Variants in COL21A1 observed in about 807,000 individuals in gnomAD.
COL21A1 encodes the protein collagen type XXI alpha 1 chain.
A neutral mutation model predicts 137.9 loss-of-function variants in COL21A1; 149 were observed. The observed-to-expected ratio is 1.08, with a 90% CI of 0.95 to 1.24. COL21A1 has a LOEUF of 1.24. COL21A1 is among the 50% of genes most tolerant of loss of function. The pLI, the probability that COL21A1 is intolerant of heterozygous loss-of-function variation, is 0.00. For missense variants in COL21A1, 1,167 were observed against 1,158.4 expected (o/e 1.01, Z -0.11); for synonymous variants, 456 against 391.5 (o/e 1.16, Z -1.95).
At chr6:56,267,754 TA>T (rs61326932) in intron 1 of COL21A1, among the ~76,000 whole-genome samples, 8,771 of 131,260 alleles carry the variant, frequency 0.067, 326 homozygotes, top group African/African-American at 0.084. Context: ...AAGACTCTGT[TA>T]AAAAAAAAAA....
intron 24 of COL21A1, 109 bp downstream of exon 24, chr6:56,064,469 A>G: frequency 1.4e-6 from 1 of 713,246 alleles, no homozygotes; most frequent in East Asian, 2.7e-5. Flanking sequence ...AATGCATACT[A>G]TATTGTCCTT....
intron 10 of COL21A1, among the ~76,000 whole-genome samples, chr6:56,142,736 G>C (rs568169998): frequency 6.6e-6 from 1 of 152,140 alleles, no homozygotes; most frequent in Non-Finnish European, 1.5e-5. Flanking sequence ...CAGGTTAATG[G>C]ACCACCTGGC....
At chr6:56,388,593 C>A (rs1160008795) in intron 1 of COL21A1, among the ~76,000 whole-genome samples, 3 of 152,200 alleles carry the variant, frequency 2.0e-5, no homozygotes, top group Non-Finnish European at 4.4e-5. Flanking sequence ...AGTGCTGATA[C>A]AGCTGCAGCT....
At chr6:56,150,542 AC>A (rs1775229810) in intron 10 of COL21A1, among the ~76,000 whole-genome samples, 7 of 151,564 alleles carry the variant, frequency 4.6e-5, no homozygotes, top group Middle Eastern at 6.8e-3. Context: ...ACACACACAC[AC>A]ACACACACAC....
chr6:56,170,902 C>A (rs371804827), intron 4 of COL21A1, 37 bp from the exon 5 acceptor site: 7 of 1,597,740 alleles, frequency 4.4e-6, no homozygotes, highest in Non-Finnish European at 6.0e-6. Context: ...TTAAAGAATT[C>A]TTGACATGTC....
At chr6:56,266,475 A>G (rs1378160225) in intron 1 of COL21A1, among the ~76,000 whole-genome samples, 3 of 152,194 alleles carry the variant, frequency 2.0e-5, no homozygotes, top group Admixed American at 2.0e-4. Context: ...TGTGACAGAG[A>G]CTGCATGGGA....
intron 1 of COL21A1, among the ~76,000 whole-genome samples, chr6:56,238,159 G>A (rs965596573): frequency 4.6e-5 from 7 of 151,952 alleles, no homozygotes; most frequent in Non-Finnish European, 8.8e-5. Flanking sequence ...AATTGATTAG[G>A]GCTGGGAGCC....
intron 6 of COL21A1, 110 bp downstream of exon 6, chr6:56,168,014 A>G (rs1379463521): frequency 1.3e-6 from 1 of 750,198 alleles, no homozygotes; most frequent in African/African-American, 1.8e-5. Context: ...TGAACAACTT[A>G]AGGGAATTCA....
intron 1 of COL21A1, among the ~76,000 whole-genome samples, chr6:56,283,843 G>A (rs866023781): frequency 1.2e-4 from 18 of 149,498 alleles, no homozygotes; most frequent in African/African-American, 4.2e-4. Flanking sequence ...ATGAGGGGTA[G>A]CATTTTATCT....
chr6:56,085,347 A>G (rs772070226), intron 17 of COL21A1, among the ~76,000 whole-genome samples: 3 of 152,038 alleles, frequency 2.0e-5, no homozygotes, highest in African/African-American at 4.8e-5. Context: ...ATATAGATGT[A>G]TTTTTGTTTT....
rs3823468 is a variant in COL21A1 at position 56,057,138 on chromosome 6, C to T, written c.*519G>A. ...CCGAACAACAGGCAATCCACTGCCC[C>T]TTATCAAGGCTGAGACACTGTAGTA... On this transcript the variant is annotated 3_prime_UTR_variant, in exon 30 of 30. Transcript: ENST00000244728. 90,171 of 159,500 alleles carry T rather than the reference C, an allele frequency of 0.57. 25,947 individuals carry two copies. Among genetic ancestry groups the T allele is most frequent in the East Asian group, 0.83 (4,348 of 5,244 alleles). The allele number at this position is 159,500 out of a possible 1,614,324, so 9.9% of individuals were successfully genotyped here. A position where few individuals can be genotyped will look rare whatever the true frequency, so the allele number is the denominator to read the frequency against.
intron 1 of COL21A1, among the ~76,000 whole-genome samples, chr6:56,283,444 G>A (rs748760507): frequency 4.6e-5 from 7 of 152,116 alleles, no homozygotes; most frequent in Non-Finnish European, 8.8e-5. Flanking sequence ...ATTTAGGCAC[G>A]GAACAAAAGC....
intron 1 of COL21A1, among the ~76,000 whole-genome samples, chr6:56,335,952 A>AT (rs765432730): frequency 1.2e-4 from 19 of 152,350 alleles, no homozygotes; most frequent in Non-Finnish European, 2.5e-4. Flanking sequence ...GACTCATTGC[A>AT]TTATCATCTA....
chr6:56,095,489 T>C (rs971710844), intron 17 of COL21A1, among the ~76,000 whole-genome samples: 1 of 152,118 alleles, frequency 6.6e-6, no homozygotes, highest in Non-Finnish European at 1.5e-5. Flanking sequence ...AAGTTTTAAG[T>C]AGGGAAGTAG....
At chr6:56,237,756 C>A (rs114689163) in intron 1 of COL21A1, among the ~76,000 whole-genome samples, 276 of 152,236 alleles carry the variant, frequency 1.8e-3, no homozygotes, top group Non-Finnish European at 3.4e-3. Flanking sequence ...AACACACATA[C>A]ATAAATGGCT....
chr6:56,145,492 A>T (rs1230633497), intron 10 of COL21A1, among the ~76,000 whole-genome samples: 6 of 152,210 alleles, frequency 3.9e-5, no homozygotes, highest in Non-Finnish European at 8.8e-5. Context: ...TGGACTAAAA[A>T]CCAGGAAAAT....
At chr6:56,362,306 G>A (rs1031873730) in intron 1 of COL21A1, among the ~76,000 whole-genome samples, 7 of 152,134 alleles carry the variant, frequency 4.6e-5, no homozygotes, top group African/African-American at 1.7e-4. Flanking sequence ...GTGGGACTAT[G>A]AGTGCCTTAA....
At chr6:56,318,697 A>T (rs1764799175) in intron 1 of COL21A1, among the ~76,000 whole-genome samples, 1 of 151,950 alleles carries the variant, frequency 6.6e-6, no homozygotes, top group Admixed American at 6.6e-5. Flanking sequence ...TCTTCCTCTT[A>T]CCTTCTCAAG....
At chr6:56,351,424 G>A (rs753093892) in intron 1 of COL21A1, among the ~76,000 whole-genome samples, 4 of 152,168 alleles carry the variant, frequency 2.6e-5, no homozygotes, top group Admixed American at 6.5e-5. Context: ...CTGCACACCA[G>A]CACATGAAGC....
Sources: gnomAD v4.1 joint callset for allele counts (sites outside exome capture counted in the v4.1 genomes callset) on GRCh38, gnomAD v4.1.1 for gene constraint, MANE v1.5 for transcripts, NCBI Gene and HGNC (gene_info 2026-07-23, HGNC 2026-07-21) for gene names.